Variants in PTPRN2 observed in about 807,000 individuals in gnomAD.
PTPRN2 encodes protein tyrosine phosphatase receptor type N2.
In PTPRN2, 74 loss-of-function variants were observed where a neutral mutation model predicts 118.8. The observed-to-expected ratio is 0.62, with a 90% CI of 0.52 to 0.76. PTPRN2 has a LOEUF of 0.76. Ranked by LOEUF, PTPRN2 falls within the 30% of genes least tolerant of loss-of-function variation. PTPRN2 has a pLI of 0.00. For synonymous variants in PTPRN2, 641 were observed against 608.0 expected, an observed-to-expected ratio of 1.05 and a Z score of -0.80; for missense variants, 1,481 against 1,394.4, an observed-to-expected ratio of 1.06 and a Z score of -0.99.
At chr7:157,588,440 G>A (rs949584176) in intron 17 of PTPRN2, among the ~76,000 whole-genome samples, 13 of 152,264 alleles carry the variant, frequency 8.5e-5, no homozygotes, top group African/African-American at 2.2e-4. Context: ...AGTCCTGCCC[G>A]CAGGGGCTTC....
chr7:157,630,573 A>G (rs757273348), intron 14 of PTPRN2, among the ~76,000 whole-genome samples: 4 of 152,206 alleles, frequency 2.6e-5, no homozygotes, highest in Non-Finnish European at 4.4e-5. Context: ...CAGCTGAAAC[A>G]GGCATTGTTC....
intron 1 of PTPRN2, among the ~76,000 whole-genome samples, chr7:158,514,004 C>T (rs561552649): frequency 7.9e-5 from 12 of 152,310 alleles, no homozygotes; most frequent in East Asian, 3.9e-4. Flanking sequence ...GCTTTATCAA[C>T]GCACGATGAC....
chr7:158,517,904 C>T lies in PTPRN2; in HGVS notation c.113-28119G>A, dbSNP rs141744984. Among the ~76,000 whole-genome samples the T allele has an allele frequency of 2.0e-5, 3 of 152,208 alleles. No individual in the cohort carries two copies. Among genetic ancestry groups the T allele is most frequent in the Non-Finnish European group, 2.9e-5 (2 of 68,038 alleles). On this transcript the variant is annotated intron_variant, in intron 1 of 22. Coordinates refer to ENST00000389418, the MANE Select transcript of PTPRN2 (RefSeq NM_002847.5). The surrounding 1 kb of genome is among the most constrained non-coding windows in gnomAD (Gnocchi z 5.3). ...CTGCAGAAAAACCTTCCCTCCCCCC[C>T]AGTCTGACTAGAGTCCACTCATTTT...
At chr7:158,519,722 C>G (rs562173744) in intron 1 of PTPRN2, among the ~76,000 whole-genome samples, 3 of 152,188 alleles carry the variant, frequency 2.0e-5, no homozygotes, top group Admixed American at 2.0e-4. Flanking sequence ...ATGCTGTTTC[C>G]CATCATATAA....
rs749852144 is a variant in PTPRN2, at chr7:158,316,950, G to T, written c.164-18C>A. Reference sequence around the variant, plus strand: ...CACTCCATCTGTGAGAAGGGAAGGAGATAAGACAGAACGAGACGTTTCATT... The same window carrying T: ...CACTCCATCTGTGAGAAGGGAAGGATATAAGACAGAACGAGACGTTTCATT... On this transcript the variant is annotated intron_variant, in intron 2 of 22. Coordinates refer to ENST00000389418, the MANE Select transcript of PTPRN2 (RefSeq NM_002847.5). The T allele has an allele frequency of 2.5e-6, 4 of 1,571,820 alleles. No homozygotes were observed. Among genetic ancestry groups the T allele is most frequent in the Admixed American group, 1.7e-5 (1 of 57,308 alleles).
chr7:157,995,303 A>C (rs985601204), intron 11 of PTPRN2, among the ~76,000 whole-genome samples: 1 of 151,106 alleles, frequency 6.6e-6, no homozygotes, highest in Non-Finnish European at 1.5e-5. Context: ...TCCCCAGCTT[A>C]TAGCTCCTTG....
intron 2 of PTPRN2, among the ~76,000 whole-genome samples, chr7:158,419,586 A>T (rs1815081107): frequency 6.6e-6 from 1 of 152,068 alleles, no homozygotes; most frequent in Admixed American, 6.5e-5. Context: ...GCCCTGACTC[A>T]CACAGCCCTC....
intron 14 of PTPRN2, among the ~76,000 whole-genome samples, chr7:157,655,188 G>A (rs925680220): frequency 1.3e-5 from 2 of 152,216 alleles, no homozygotes; most frequent in Non-Finnish European, 2.9e-5. Context: ...TCAGCTCAGG[G>A]ATCGGGAAAG....
chr7:157,883,077 T>C (rs1385875692), intron 12 of PTPRN2, among the ~76,000 whole-genome samples: 1 of 144,452 alleles, frequency 6.9e-6, no homozygotes, highest in Non-Finnish European at 1.5e-5. Context: ...ATGACTGTTG[T>C]TGGAGACCAG....
chr7:158,369,710 G>A (rs1366868431), intron 2 of PTPRN2, among the ~76,000 whole-genome samples: 1 of 152,178 alleles, frequency 6.6e-6, no homozygotes, highest in Admixed American at 6.5e-5. Context: ...AAAACCATGT[G>A]AGAGCCACAA....
intron 2 of PTPRN2, among the ~76,000 whole-genome samples, chr7:158,333,836 T>A (rs1472361242): frequency 1.0e-4 from 13 of 126,050 alleles, no homozygotes; most frequent in Non-Finnish European, 1.8e-4. Flanking sequence ...ACCCACACTC[T>A]CACCATAGAG....
At chr7:158,542,972 C>T (rs1012459103) in intron 1 of PTPRN2, among the ~76,000 whole-genome samples, 2 of 152,176 alleles carry the variant, frequency 1.3e-5, no homozygotes, top group Non-Finnish European at 2.9e-5. Flanking sequence ...CTCCCACGTC[C>T]TCACCGCACC....
intron 1 of PTPRN2, among the ~76,000 whole-genome samples, chr7:158,504,562 T>C (rs1822608708): frequency 6.6e-6 from 1 of 152,240 alleles, no homozygotes; most frequent in African/African-American, 2.4e-5. Flanking sequence ...TAGTCCATGG[T>C]GTGTACGTAT....
chr7:157,791,239 A>G (rs547799492), intron 12 of PTPRN2, among the ~76,000 whole-genome samples: 1 of 152,374 alleles, frequency 6.6e-6, no homozygotes, highest in African/African-American at 2.4e-5. Flanking sequence ...ATTTGCTGTG[A>G]TAAGAAAAGA....
At chr7:157,565,019 C>T (rs1162575394) in intron 21 of PTPRN2, among the ~76,000 whole-genome samples, 8 of 152,236 alleles carry the variant, frequency 5.3e-5, no homozygotes, top group Admixed American at 3.9e-4. Flanking sequence ...AGGCCAACCT[C>T]GAAGGCATTA....
Position 158,238,750 on chromosome 7 carries a change from C to T in PTPRN2, c.278-33477G>A, listed in dbSNP as rs186933691. On this transcript the variant is annotated intron_variant, in intron 3 of 22. Transcript: ENST00000389418. ...AGCTCAGCAGGATTCCAGGGACCGA[C>T]GGATTCAGTCCTGAGGGGCAGACCA... Among the ~76,000 whole-genome samples the T allele has an allele frequency of 6.0e-3, 920 of 152,180 alleles. 12 individuals are homozygous for T. Among genetic ancestry groups the T allele is most frequent in the African/African-American group, 0.021 (866 of 41,520 alleles).
chr7:158,122,602 A>T (rs970997852), intron 9 of PTPRN2, among the ~76,000 whole-genome samples: 2 of 152,212 alleles, frequency 1.3e-5, no homozygotes, highest in African/African-American at 4.8e-5. Context: ...CCTGTGCTGG[A>T]CGCCACACTG....
At chr7:157,600,048 CACCTCTCCACCTGCCT>C in intron 16 of PTPRN2, among the ~76,000 whole-genome samples, 1 of 103,992 alleles carries the variant, frequency 9.6e-6, no homozygotes, top group Non-Finnish European at 1.9e-5. Context: ...TCCACCTGCC[CACCTCTCCACCTGCCT>C]ACCTCTCCAC....
chr7:158,201,777 A>G (rs1473119541), intron 4 of PTPRN2, among the ~76,000 whole-genome samples: 1 of 152,156 alleles, frequency 6.6e-6, no homozygotes, highest in Non-Finnish European at 1.5e-5. Context: ...CAACCAGAAA[A>G]TGTTTGAATT....
Sources: allele counts gnomAD v4.1 joint callset (sites outside exome capture counted in the v4.1 genomes callset), GRCh38; gene constraint gnomAD v4.1.1; non-coding constraint Gnocchi (gnomAD v3.1); transcripts MANE v1.5; gene names NCBI Gene and HGNC (gene_info 2026-07-23, HGNC 2026-07-21).